CDH13: variants seen among roughly 807,000 people sequenced by gnomAD.
The protein encoded by CDH13 is cadherin 13, also known as cadherin-13.
A neutral mutation model predicts 63.8 loss-of-function variants in CDH13; 24 were observed. The ratio of observed to expected loss-of-function variants is 0.38; its 90% confidence interval spans 0.27 to 0.53. CDH13 has a LOEUF of 0.53. Ranked by LOEUF, CDH13 falls within the 20% of genes least tolerant of loss-of-function variation. The probability of loss-of-function intolerance (pLI) is 0.85; values close to 1 mark genes in which losing one functional copy is unlikely to be tolerated. For missense variants in CDH13, 1,049 were observed against 903.1 expected, an observed-to-expected ratio of 1.16 and a Z score of -2.07; for synonymous variants, 503 against 355.3, an observed-to-expected ratio of 1.42 and a Z score of -4.67.
chr16:83,786,639 G>A (rs1176150906), intron 13 of CDH13, among the ~76,000 whole-genome samples: 1 of 151,182 alleles, frequency 6.6e-6, no homozygotes, highest in Non-Finnish European at 1.5e-5. Context: ...CCAGGCTGAA[G>A]TACAGTGGCG....
chr16:83,170,569 A>G (rs1399845003), intron 4 of CDH13, among the ~76,000 whole-genome samples: 1 of 152,156 alleles, frequency 6.6e-6, no homozygotes, highest in Non-Finnish European at 1.5e-5. Context: ...CAGTCTTAGT[A>G]CTTAAAATTG....
At chr16:82,638,275 G>A (rs1241697235) in intron 1 of CDH13, among the ~76,000 whole-genome samples, 1 of 152,212 alleles carries the variant, frequency 6.6e-6, no homozygotes, top group Non-Finnish European at 1.5e-5. Context: ...ACCCAGAGCT[G>A]CTGGTGCCTT....
At chr16:83,762,649 G>A (rs554059780) in intron 11 of CDH13, among the ~76,000 whole-genome samples, 1 of 152,196 alleles carries the variant, frequency 6.6e-6, no homozygotes, top group Non-Finnish European at 1.5e-5. Flanking sequence ...GACGGCCACA[G>A]GCAGGAAAGG....
rs1014984274 is a variant in CDH13, at chr16:82,961,587, A to C, written c.158-70423A>C. On this transcript the variant is annotated intron_variant, in intron 2 of 13. Transcript: ENST00000567109. ...GCAGGGGACTTAAAAAAAAAAAAAA[A>C]AAAAAAAAACTACTGGTACTTGGGC... Among the ~76,000 whole-genome samples, 255 of 151,746 alleles carry C rather than the reference A, an allele frequency of 1.7e-3. 4 individuals are homozygous for C. The highest frequency in any genetic ancestry group is 5.8e-3 in the African/African-American group (242 of 41,400).
At chr16:83,089,732 A>C (rs897075435) in intron 3 of CDH13, among the ~76,000 whole-genome samples, 1 of 152,220 alleles carries the variant, frequency 6.6e-6, no homozygotes, top group Non-Finnish European at 1.5e-5. Flanking sequence ...CGACTTTGCT[A>C]TAAGGGCTAC....
chr16:82,802,561 C>T (rs1218635500), intron 1 of CDH13, among the ~76,000 whole-genome samples: 1 of 152,142 alleles, frequency 6.6e-6, no homozygotes, highest in Non-Finnish European at 1.5e-5. Context: ...GAAGCATGTG[C>T]ATGATGTGAG....
At chr16:82,990,571 G>T (rs57696761) in intron 2 of CDH13, among the ~76,000 whole-genome samples, 20,025 of 146,634 alleles carry the variant, frequency 0.14, 1,667 homozygotes, top group African/African-American at 0.23. Flanking sequence ...TTTAGAGACA[G>T]AGTCTCACTT....
chr16:83,683,026 C>G (rs561903126), intron 10 of CDH13, among the ~76,000 whole-genome samples: 1 of 152,210 alleles, frequency 6.6e-6, no homozygotes, highest in African/African-American at 2.4e-5. Context: ...TTCTCAGGCA[C>G]CACTGCTCCT....
At chr16:83,601,143 T>C (rs1054743650) in intron 7 of CDH13, among the ~76,000 whole-genome samples, 2 of 152,072 alleles carry the variant, frequency 1.3e-5, no homozygotes, top group African/African-American at 2.4e-5. Flanking sequence ...CGGTAGGAGA[T>C]AGAGAAAGGC....
intron 1 of CDH13, among the ~76,000 whole-genome samples, chr16:82,781,920 C>G (rs1024449413): frequency 6.6e-6 from 1 of 152,130 alleles, no homozygotes; most frequent in Admixed American, 6.5e-5. Context: ...TGTGGGAACT[C>G]TAAAGAAAGA....
rs181099211 is a variant in CDH13 at position 83,441,144 on chromosome 16, C to T, written c.782-45333C>T. 2.3e-3 allele frequency among the ~76,000 whole-genome samples: 344 copies of T among 152,324 alleles called. 1 individual carries two copies. Among genetic ancestry groups the T allele is most frequent in the Non-Finnish European group, 3.2e-3 (219 of 68,028 alleles). On this transcript the variant is annotated intron_variant, in intron 6 of 13. Transcript: ENST00000567109. Reference sequence around the variant, plus strand: ...GAATAAGAAAATAATTAAATTATGGCACAGCCAGGGTCAGTAGTCATCTGG... The same window carrying T: ...GAATAAGAAAATAATTAAATTATGGTACAGCCAGGGTCAGTAGTCATCTGG...
Position 83,177,889 on chromosome 16 carries a change from C to T in CDH13, c.484-39456C>T, listed in dbSNP as rs1030670178. Among the ~76,000 whole-genome samples, 6 of 152,158 alleles carry T rather than the reference C, an allele frequency of 3.9e-5. 1 individual carries two copies. Among genetic ancestry groups the T allele is most frequent in the South Asian group, 4.2e-4 (2 of 4,818 alleles). On this transcript the variant is annotated intron_variant, in intron 4 of 13. Coordinates refer to ENST00000567109, the MANE Select transcript of CDH13 (RefSeq NM_001257.5). ...TGCTTTTCCCACCATGCTATAAACA[C>T]ACCAGAGCAAGACTGTTTATCTTGT... is the stretch of plus-strand genomic sequence containing the variant.
intron 5 of CDH13, among the ~76,000 whole-genome samples, chr16:83,259,669 A>ATC (rs1567545679): frequency 6.6e-6 from 1 of 152,054 alleles, no homozygotes; most frequent in African/African-American, 2.4e-5. Context: ...ATTATACAGT[A>ATC]AGTTTTAGAG....
At position 83,097,330 on chromosome 16, in the gene CDH13, T is replaced by C. The variant is rs9933341; in HGVS notation, c.367-28055T>C. On this transcript the variant is annotated intron_variant, in intron 3 of 13. Transcript: ENST00000567109. The stretch of plus-strand genomic sequence containing the variant: ...CTCTTGCCTCATAACTTTTGTTCTT[T>C]GTATTCCTTAAAAAGACCTAAGAGA... Among the ~76,000 whole-genome samples, 146 of 152,378 alleles carry C rather than the reference T, an allele frequency of 9.6e-4. 2 individuals are homozygous for C. The highest frequency in any genetic ancestry group is 3.2e-3 in the African/African-American group (135 of 41,592).
At chr16:82,878,235 G>A (rs193264377) in intron 2 of CDH13, among the ~76,000 whole-genome samples, 381 of 151,930 alleles carry the variant, frequency 2.5e-3, no homozygotes, top group Non-Finnish European at 4.1e-3. Flanking sequence ...ACTGAAATCT[G>A]CAGTTATCTC....
chr16:83,154,012 CT>C (rs2037100968), intron 4 of CDH13, among the ~76,000 whole-genome samples: 5 of 152,310 alleles, frequency 3.3e-5, no homozygotes, highest in Admixed American at 3.3e-4. Context: ...CGTATTCCTT[CT>C]TTCTGCCTGG....
At chr16:83,074,526 C>T (rs575133785) in intron 3 of CDH13, among the ~76,000 whole-genome samples, 5 of 152,148 alleles carry the variant, frequency 3.3e-5, no homozygotes, top group Non-Finnish European at 7.4e-5. Flanking sequence ...AGTGGGATTG[C>T]TGGATCATAC....
chr16:82,893,368 C>T (rs909585504), intron 2 of CDH13, among the ~76,000 whole-genome samples: 1 of 152,160 alleles, frequency 6.6e-6, no homozygotes, highest in African/African-American at 2.4e-5. Context: ...TAATAACATG[C>T]CGATTTTTTA....
At chr16:82,667,761 C>T (rs923121779) in intron 1 of CDH13, among the ~76,000 whole-genome samples, 5 of 152,030 alleles carry the variant, frequency 3.3e-5, no homozygotes, top group South Asian at 2.1e-4. Flanking sequence ...CCTTCTGAGC[C>T]GCCACAGCTC....
Sources: allele counts gnomAD v4.1 joint callset (sites outside exome capture counted in the v4.1 genomes callset), GRCh38; gene constraint gnomAD v4.1.1; transcripts MANE v1.5; gene names NCBI Gene and HGNC (gene_info 2026-07-23, HGNC 2026-07-21).